The following SORCS2 variants were observed in gnomAD, a reference collection of about 807,000 sequenced individuals.
SORCS2 encodes the protein sortilin related VPS10 domain containing receptor 2, also known as VPS10 domain-containing receptor SorCS2.
SORCS2 carries 100 observed loss-of-function variants against 141.6 expected under a neutral mutation model. The observed-to-expected ratio is 0.71, with a 90% CI of 0.60 to 0.83. SORCS2 has a LOEUF of 0.83. SORCS2 is among the 40% of genes least tolerant of loss of function. The pLI is 0.00. For synonymous variants in SORCS2, 789 were observed against 676.9 expected (o/e 1.17, Z -2.57); for missense variants, 1,646 against 1,560.2 (o/e 1.05, Z -0.93).
At chr4:7,276,254 A>T (rs1331258967) in intron 1 of SORCS2, among the ~76,000 whole-genome samples, 2 of 152,070 alleles carry the variant, frequency 1.3e-5, no homozygotes, top group African/African-American at 4.8e-5. Flanking sequence ...CTGAGATGTC[A>T]TGGGGCTTTG....
At chr4:7,389,152 G>A (rs1028700257) in intron 1 of SORCS2, among the ~76,000 whole-genome samples, 1 of 152,156 alleles carries the variant, frequency 6.6e-6, no homozygotes, top group Non-Finnish European at 1.5e-5. Context: ...TCCTGCCTGC[G>A]CTCTTTCCCT....
At chr4:7,517,358 A>G (rs942443540) in intron 2 of SORCS2, among the ~76,000 whole-genome samples, 6 of 152,128 alleles carry the variant, frequency 3.9e-5, no homozygotes, top group African/African-American at 1.4e-4. Flanking sequence ...TTATTTCCTA[A>G]TGAATTTTTG....
intron 3 of SORCS2, among the ~76,000 whole-genome samples, chr4:7,590,908 A>C (rs575028464): frequency 6.6e-6 from 1 of 152,224 alleles, no homozygotes; most frequent in Non-Finnish European, 1.5e-5. Context: ...ACACATCACC[A>C]TATCTATATA....
chr4:7,442,743 C>T (rs970191550), intron 2 of SORCS2, among the ~76,000 whole-genome samples: 2 of 151,200 alleles, frequency 1.3e-5, no homozygotes, highest in African/African-American at 4.9e-5. Context: ...CCAGCCCCAG[C>T]ACGTGGGCTT....
chr4:7,726,988 A>T, intron 21 of SORCS2, 85 bp downstream of exon 21: 84 of 1,301,358 alleles, frequency 6.5e-5, no homozygotes, highest in East Asian at 2.4e-4. Context: ...CGCGTAAGCC[A>T]TGGATGTCCT....
At chr4:7,435,717 T>C (rs552773990) in intron 2 of SORCS2, among the ~76,000 whole-genome samples, 3 of 152,398 alleles carry the variant, frequency 2.0e-5, no homozygotes, top group Admixed American at 2.0e-4. Context: ...CTTATCTTTT[T>C]CTTCTTCCTT....
chr4:7,413,230 C>T (rs1209110936), intron 2 of SORCS2, among the ~76,000 whole-genome samples: 1 of 151,912 alleles, frequency 6.6e-6, no homozygotes, highest in Non-Finnish European at 1.5e-5. Flanking sequence ...AAAAACAATC[C>T]CCTGTGTTAA....
chr4:7,277,731 G>A (rs1715597479), intron 1 of SORCS2, among the ~76,000 whole-genome samples: 1 of 152,178 alleles, frequency 6.6e-6, no homozygotes, highest in Admixed American at 6.5e-5. Context: ...GCCTCTGGAG[G>A]GCCCATCCTG....
chr4:7,602,685 G>C (rs980706754), intron 3 of SORCS2, among the ~76,000 whole-genome samples: 1 of 151,216 alleles, frequency 6.6e-6, no homozygotes, highest in Non-Finnish European at 1.5e-5. Context: ...CTGGGCGGCC[G>C]GGCAGAGGGG....
Position 7,371,733 on chromosome 4 carries a change from C to T in SORCS2, c.481-24555C>T, listed in dbSNP as rs538044066. 1.4e-4 allele frequency among the ~76,000 whole-genome samples: 21 copies of T among 152,322 alleles called. No homozygotes were observed. In the South Asian group the frequency reaches 4.1e-3, roughly 30 times the overall value. ...ACCTACACACTGACCCCGGGAGCCA[C>T]GTGGAGGCGGGTGTGTGTCGGGAGC... is the stretch of plus-strand genomic sequence containing the variant. On this transcript the variant is annotated intron_variant, in intron 1 of 26. Coordinates refer to ENST00000507866, the MANE Select transcript of SORCS2 (RefSeq NM_020777.3).
chr4:7,351,386 C>G (rs1051523240), intron 1 of SORCS2, among the ~76,000 whole-genome samples: 1 of 152,192 alleles, frequency 6.6e-6, no homozygotes, highest in Non-Finnish European at 1.5e-5. Flanking sequence ...CTTGCCTGTT[C>G]TCTGCTCTCC....
At chr4:7,471,551 G>A (rs1261441561) in intron 2 of SORCS2, among the ~76,000 whole-genome samples, 1 of 152,206 alleles carries the variant, frequency 6.6e-6, no homozygotes, top group East Asian at 1.9e-4. Flanking sequence ...ATCAGCAGTG[G>A]CCCTCCAGCG....
intron 2 of SORCS2, among the ~76,000 whole-genome samples, chr4:7,490,781 A>G (rs942900275): frequency 6.6e-6 from 1 of 152,046 alleles, no homozygotes; most frequent in African/African-American, 2.4e-5. Flanking sequence ...GCTGGCTGGC[A>G]TCTCCGTGCC....
chr4:7,304,682 C>T (rs1717663411), intron 1 of SORCS2, among the ~76,000 whole-genome samples: 1 of 152,170 alleles, frequency 6.6e-6, no homozygotes, highest in African/African-American at 2.4e-5. Context: ...TGGAGGCGAA[C>T]AGGCCTGAGC....
intron 3 of SORCS2, among the ~76,000 whole-genome samples, chr4:7,613,263 G>T (rs920503241): frequency 6.6e-6 from 1 of 152,188 alleles, no homozygotes; most frequent in African/African-American, 2.4e-5. Flanking sequence ...GATACTCTAC[G>T]TCTGCAGAAA....
At chr4:7,734,523 G>A in intron 25 of SORCS2, 149 bp downstream of exon 25, 1 of 609,834 alleles carries the variant, frequency 1.6e-6, no homozygotes, top group Non-Finnish European at 2.8e-6. Flanking sequence ...GGCTGCAGGG[G>A]GAGGTGCTTG....
chr4:7,523,012 CTT>C (rs1733436962), intron 2 of SORCS2, among the ~76,000 whole-genome samples: 2 of 144,078 alleles, frequency 1.4e-5, no homozygotes, highest in South Asian at 4.7e-4. Context: ...ACTCTTCCCT[CTT>C]TGTCACTCCC....
chr4:7,461,386 T>C (rs932504081), intron 2 of SORCS2, among the ~76,000 whole-genome samples: 1 of 152,178 alleles, frequency 6.6e-6, no homozygotes, highest in African/African-American at 2.4e-5. Context: ...AGCTTCCAGC[T>C]TGACCTCTGG....
chr4:7,338,671 A>G (rs992410271), intron 1 of SORCS2, among the ~76,000 whole-genome samples: 3 of 152,178 alleles, frequency 2.0e-5, no homozygotes, highest in Admixed American at 1.3e-4. Flanking sequence ...CCCATCCCTC[A>G]GCTAGGGCAT....
Sources: allele counts gnomAD v4.1 joint callset (sites outside exome capture counted in the v4.1 genomes callset), GRCh38; gene constraint gnomAD v4.1.1; transcripts MANE v1.5; gene names NCBI Gene and HGNC (gene_info 2026-07-23, HGNC 2026-07-21).